SLC35D4: variants seen among roughly 807,000 people sequenced by gnomAD.
SLC35D4 encodes the protein solute carrier family 35 member D4.
At chr18:23,311,224 G>T in the SLC35D4 span, among the ~76,000 whole-genome samples, 2 of 151,610 alleles carry the variant, frequency 1.3e-5, no homozygotes, top group Admixed American at 1.3e-4. Flanking sequence ...CGAGTAGCTG[G>T]GCCTATAGGC....
the SLC35D4 span, chr18:23,399,481 C>T: frequency 1.7e-6 from 2 of 1,182,602 alleles, no homozygotes; most frequent in Admixed American, 3.8e-5. Flanking sequence ...TGATTCTTTG[C>T]CCTTATTGAG....
the SLC35D4 span, among the ~76,000 whole-genome samples, chr18:23,256,536 G>A: frequency 8.3e-4 from 126 of 151,952 alleles, 2 homozygotes; most frequent in East Asian, 0.02. Context: ...GCTGGAGTTC[G>A]GTGGCACAAT....
chr18:23,413,775 AT>A, the SLC35D4 span, among the ~76,000 whole-genome samples: 6 of 151,702 alleles, frequency 4.0e-5, no homozygotes, highest in African/African-American at 1.5e-4. Context: ...AAATAAAAAA[AT>A]AAAAATAAAA....
the SLC35D4 span, among the ~76,000 whole-genome samples, chr18:23,263,593 G>A: frequency 6.6e-6 from 1 of 152,254 alleles, no homozygotes; most frequent in Non-Finnish European, 1.5e-5. Context: ...CTAGTGTCTC[G>A]TGGTGCATGT....
At chr18:23,394,530 T>C in the SLC35D4 span, among the ~76,000 whole-genome samples, 1 of 152,226 alleles carries the variant, frequency 6.6e-6, no homozygotes, top group Non-Finnish European at 1.5e-5. Context: ...GTTGATAGTA[T>C]CCTTTAAAGC....
the SLC35D4 span, among the ~76,000 whole-genome samples, chr18:23,367,100 C>T: frequency 2.6e-5 from 4 of 152,130 alleles, no homozygotes; most frequent in Admixed American, 2.6e-4. Context: ...GGTCTCTTGC[C>T]ATCCCAAAAC....
At chr18:23,404,760 G>A in the SLC35D4 span, among the ~76,000 whole-genome samples, 17 of 150,580 alleles carry the variant, frequency 1.1e-4, no homozygotes, top group South Asian at 2.9e-3. Context: ...GGCCGAGGCA[G>A]GCAGATTACA....
the SLC35D4 span, among the ~76,000 whole-genome samples, chr18:23,354,356 A>AAAAAAG: frequency 6.7e-6 from 1 of 150,112 alleles, no homozygotes; most frequent in African/African-American, 2.5e-5. Context: ...AAAAAAAAAA[A>AAAAAAG]AAAAAAAAAA....
chr18:23,319,699 A>G, the SLC35D4 span, among the ~76,000 whole-genome samples: 1 of 152,158 alleles, frequency 6.6e-6, no homozygotes, highest in Admixed American at 6.5e-5. Flanking sequence ...TCGGCCTTCC[A>G]AAGTGCTGGG....
At chr18:23,337,542 A>G in the SLC35D4 span, among the ~76,000 whole-genome samples, 1 of 152,176 alleles carries the variant, frequency 6.6e-6, no homozygotes, top group Non-Finnish European at 1.5e-5. Flanking sequence ...GTTAAAAAAA[A>G]ATTCATCTTT....
chr18:23,263,855 CTT>C, the SLC35D4 span, among the ~76,000 whole-genome samples: 1 of 152,234 alleles, frequency 6.6e-6, no homozygotes, highest in Non-Finnish European at 1.5e-5. Context: ...CACAGAAAGA[CTT>C]TGATTCACTG....
the SLC35D4 span, among the ~76,000 whole-genome samples, chr18:23,422,223 C>T: frequency 6.6e-6 from 1 of 152,000 alleles, no homozygotes; most frequent in African/African-American, 2.4e-5. Context: ...CTTCCAGTGT[C>T]CATCAACTGA....
chr18:23,423,595 G>A, the SLC35D4 span, among the ~76,000 whole-genome samples: 64 of 152,232 alleles, frequency 4.2e-4, no homozygotes, highest in Non-Finnish European at 8.2e-4. Flanking sequence ...GAGAAACCCC[G>A]GTCTAGTGAA....
chr18:23,384,001 T>G, the SLC35D4 span, among the ~76,000 whole-genome samples: 33 of 37,470 alleles, frequency 8.8e-4, no homozygotes, highest in South Asian at 1.5e-3. Flanking sequence ...TTCCAAAAAT[T>G]GGGGGGGGGG....
the SLC35D4 span, among the ~76,000 whole-genome samples, chr18:23,366,060 C>A: frequency 7.9e-5 from 12 of 152,290 alleles, no homozygotes; most frequent in South Asian, 2.5e-3. Context: ...GTGTGAGCTA[C>A]GTATATTTTT....
chr18:23,354,267 C>A, the SLC35D4 span, among the ~76,000 whole-genome samples: 1 of 145,286 alleles, frequency 6.9e-6, no homozygotes, highest in African/African-American at 2.6e-5. Flanking sequence ...TTTGGGAGGC[C>A]GAGGCGGGCG....
chr18:23,298,033 C>T, the SLC35D4 span: 3 of 1,613,788 alleles, frequency 1.9e-6, no homozygotes, highest in Admixed American at 5.0e-5. Context: ...TCTGAGAAAA[C>T]CAGCAAGGCC....
the SLC35D4 span, among the ~76,000 whole-genome samples, chr18:23,405,035 G>A: frequency 6.7e-6 from 1 of 148,994 alleles, no homozygotes; most frequent in Non-Finnish European, 1.5e-5. Context: ...AGGCCCAAGG[G>A]AGCTTGTTCA....
At chr18:23,259,883 CT>C in the SLC35D4 span, 2 of 152,458 alleles carry the variant, frequency 1.3e-5, no homozygotes, top group Non-Finnish European at 2.9e-5. Flanking sequence ...CAGGACTGCC[CT>C]GAGGCCTCTC....
Sources: allele counts gnomAD v4.1 joint callset (sites outside exome capture counted in the v4.1 genomes callset), GRCh38; gene constraint gnomAD v4.1.1; transcripts MANE v1.5; gene names NCBI Gene and HGNC (gene_info 2026-07-23, HGNC 2026-07-21).